ARSJ: variants seen among roughly 807,000 people sequenced by gnomAD.
ARSJ encodes the protein arylsulfatase J.
A neutral mutation model predicts 35.9 loss-of-function variants in ARSJ; 26 were observed. The observed-to-expected ratio is 0.72, with a 90% CI of 0.53 to 1.00. The LOEUF (loss-of-function observed/expected upper bound fraction) is 1.00, where lower values mean the gene tolerates loss of function less well. ARSJ is among the 50% of genes least tolerant of loss of function. The pLI, the probability that ARSJ is intolerant of heterozygous loss-of-function variation, is 0.00. For missense variants in ARSJ, 667 were observed against 723.6 expected, an observed-to-expected ratio of 0.92 and a Z score of 0.90; for synonymous variants, 294 against 267.6, an observed-to-expected ratio of 1.10 and a Z score of -0.96.
chr4:113,932,114 A>ACAAAAAATG (rs1283386473), intron 1 of ARSJ, among the ~76,000 whole-genome samples: 1 of 152,106 alleles, frequency 6.6e-6, no homozygotes, highest in African/African-American at 2.4e-5. Context: ...GTAAAAACTG[A>ACAAAAAATG]CAAAAAATGT....
intron 1 of ARSJ, among the ~76,000 whole-genome samples, chr4:113,977,425 A>G (rs1727653796): frequency 6.6e-6 from 1 of 152,246 alleles, no homozygotes; most frequent in Admixed American, 6.5e-5. Context: ...TTATTTTTCC[A>G]ATGGATACTG....
rs538570778 is a variant in ARSJ at position 113,959,783 on chromosome 4, T to G, written c.398+18654A>C. On this transcript the variant is annotated intron_variant, in intron 1 of 1. Coordinates refer to ENST00000315366, the MANE Select transcript of ARSJ (RefSeq NM_024590.4). ...GTTTATATGGTTGCATATTATCAAA[T>G]GGAATTTGGTTTCTGAAAAATGGAA... 6.6e-5 allele frequency among the ~76,000 whole-genome samples: 10 copies of G among 152,180 alleles called. No homozygotes were observed. In the East Asian group the frequency reaches 1.7e-3, roughly 27 times the overall value.
intron 1 of ARSJ, among the ~76,000 whole-genome samples, chr4:113,972,546 G>C (rs1643943844): frequency 6.6e-6 from 1 of 151,972 alleles, no homozygotes; most frequent in Non-Finnish European, 1.5e-5. Flanking sequence ...GTCTTGCTCT[G>C]TTACCCAGGC....
chr4:113,914,314 C>T (rs1429023341), intron 1 of ARSJ, among the ~76,000 whole-genome samples: 2 of 152,124 alleles, frequency 1.3e-5, no homozygotes, highest in African/African-American at 4.8e-5. Context: ...TCTCACTCTG[C>T]TTTACATGAA....
intron 1 of ARSJ, among the ~76,000 whole-genome samples, chr4:113,973,269 A>G (rs1727389080): frequency 6.6e-6 from 1 of 152,176 alleles, no homozygotes; most frequent in Admixed American, 6.5e-5. Context: ...GATCCCCTGC[A>G]TATACTTTCC....
chr4:113,941,405 T>A (rs1725151365), intron 1 of ARSJ, among the ~76,000 whole-genome samples: 1 of 151,960 alleles, frequency 6.6e-6, no homozygotes, highest in Non-Finnish European at 1.5e-5. Flanking sequence ...TGGAAGAAAA[T>A]CTACTAGGAA....
chr4:113,927,494 G>T (rs935044848), intron 1 of ARSJ, among the ~76,000 whole-genome samples: 1 of 152,286 alleles, frequency 6.6e-6, no homozygotes, highest in African/African-American at 2.4e-5. Context: ...ACACAAAGCC[G>T]GAGAGTTGAT....
chr4:113,966,621 A>G (rs551500001), intron 1 of ARSJ, among the ~76,000 whole-genome samples: 2 of 152,326 alleles, frequency 1.3e-5, no homozygotes, highest in South Asian at 2.1e-4. Context: ...TGAGGAGATG[A>G]GAAATTTGGA....
intron 1 of ARSJ, among the ~76,000 whole-genome samples, chr4:113,921,082 TACACACACACACAC>T (rs746326993): frequency 3.1e-5 from 4 of 129,548 alleles, no homozygotes; most frequent in Admixed American, 8.2e-5. Context: ...TTCCCTGAAA[TACACACACACACAC>T]ACACACACAC....
chr4:113,936,839 A>G (rs1724799209), intron 1 of ARSJ, among the ~76,000 whole-genome samples: 1 of 151,936 alleles, frequency 6.6e-6, no homozygotes, highest in Non-Finnish European at 1.5e-5. Context: ...ATCACCTCTG[A>G]GAATACAATA....
rs947624523 is a variant in ARSJ, at chr4:113,902,729, T to C, written c.1345A>G (p.Ile449Val). 2 of 1,614,104 alleles carry C rather than the reference T, an allele frequency of 1.2e-6. No homozygotes were observed. The highest frequency in any genetic ancestry group is 1.7e-6 in the Non-Finnish European group (2 of 1,180,042). Reference protein sequence around the residue: ...GIWNTAIQSAIRVQHWKLLTG... With the variant: ...GIWNTAIQSAVRVQHWKLLTG... ...AGCAATTTCCAGTGCTGCACTCTGA[T>C]GGCTGACTGGATTGCAGTGTTCCAG... Residue 449 changes from isoleucine to valine, a missense_variant, in exon 2 of 2, where the codon ATC becomes GTC. Physicochemically the swap from Ile to Val is conservative, Grantham distance 29. Transcript: ENST00000315366.
At chr4:113,969,152 A>G (rs925557882) in intron 1 of ARSJ, among the ~76,000 whole-genome samples, 1 of 152,174 alleles carries the variant, frequency 6.6e-6, no homozygotes, top group East Asian at 1.9e-4. Flanking sequence ...GTTTAAATAC[A>G]CATTTCCTCT....
Position 113,902,145 on chromosome 4 carries a change from T to G in ARSJ, c.*129A>C, listed in dbSNP as rs1439836823. 4 of 1,597,328 alleles carry G rather than the reference T, an allele frequency of 2.5e-6. No individual in the cohort carries two copies. The highest frequency in any genetic ancestry group is 2.5e-6 in the Non-Finnish European group (3 of 1,179,274). ...GGCCAGGTGGCAGAAGTCTCTGGAG[T>G]GGCACAGCATGAAAACAAGCCTGAC... On this transcript the variant is annotated 3_prime_UTR_variant, in exon 2 of 2. Transcript: ENST00000315366.
rs1363280325 is a variant in ARSJ at position 113,902,376 on chromosome 4, T to C, written c.1698A>G (p.Lys566=). The change falls in exon 2 of 2, where the codon AAA becomes AAG. Residue 566 remains lysine (K), a synonymous_variant. Coordinates refer to ENST00000315366, the MANE Select transcript of ARSJ (RefSeq NM_024590.4). ...TCTTTTGCTTTTTCTCAGCCTGATT[T>C]TTGCTTGGCTTCTTTTTCTTGGTTT... is the stretch of plus-strand genomic sequence containing the variant. The part of the protein sequence containing the change: ...KEETKKKKPS[K]NQAEKKQKKS... 1.9e-6 allele frequency: 3 copies of C among 1,613,740 alleles called. No homozygotes were observed. Among genetic ancestry groups the C allele is most frequent in the African/African-American group, 2.7e-5 (2 of 74,900 alleles).
rs749837103 is a variant in ARSJ at position 113,978,831 on chromosome 4, C to G, written c.4G>C (p.Ala2Pro). Residue 2 changes from alanine (A) to proline (P), a missense_variant, in exon 1 of 2, where the codon GCT (alanine) becomes CCT (proline). Coordinates refer to ENST00000315366, the MANE Select transcript of ARSJ (RefSeq NM_024590.4). The part of the protein sequence containing the change: M[A>P]PRGCAGHPPP... ...GGATGCCCCGCACAGCCCCTGGGAG[C>G]CATTCACTCAGGTCCCAGGTGAGAC... 17 of 1,597,084 alleles carry G rather than the reference C, an allele frequency of 1.1e-5. No individual in the cohort carries two copies. The highest frequency in any genetic ancestry group is 1.1e-4 in the Admixed American group (6 of 57,024).
At chr4:113,948,172 G>C (rs1396478272) in intron 1 of ARSJ, among the ~76,000 whole-genome samples, 1 of 152,072 alleles carries the variant, frequency 6.6e-6, no homozygotes, top group Non-Finnish European at 1.5e-5. Context: ...CTGGGTGACA[G>C]AGCGAGATTC....
Position 113,902,529 on chromosome 4 carries a change from G to A in ARSJ, c.1545C>T (p.Ile515=). 2 of 1,614,134 alleles carry A rather than the reference G, an allele frequency of 1.2e-6. No individual in the cohort carries two copies. The highest frequency in any genetic ancestry group is 1.7e-6 in the Non-Finnish European group (2 of 1,180,024). ...RVDLSNRYPG[I]VKKLLRRLSQ... The stretch of plus-strand genomic sequence containing the variant: ...AGAGCCTCCGTAGGAGCTTCTTCAC[G>A]ATTCCTGGATACCTGTTAGATAGGT... The change falls in exon 2 of 2, where the codon ATC becomes ATT. Residue 515 remains isoleucine (I), a synonymous_variant. Coordinates refer to ENST00000315366, the MANE Select transcript of ARSJ (RefSeq NM_024590.4).
chr4:113,927,412 T>A (rs1365179158), intron 1 of ARSJ, among the ~76,000 whole-genome samples: 2 of 152,306 alleles, frequency 1.3e-5, no homozygotes, highest in African/African-American at 4.8e-5. Context: ...GCATAATGTC[T>A]TCAATGTAAT....
chr4:113,902,815 T>C lies in ARSJ; in HGVS notation c.1259A>G (p.His420Arg), dbSNP rs200907046. 28 of 1,614,064 alleles carry C rather than the reference T, an allele frequency of 1.7e-5. No homozygotes were observed. Among genetic ancestry groups the C allele is most frequent in the Non-Finnish European group, 2.4e-5 (28 of 1,180,046 alleles). The change falls in exon 2 of 2, where the codon CAT becomes CGT. Residue 420 changes from histidine to arginine, a missense_variant. Transcript: ENST00000315366. ...CTTGGTGTATATGGGGTCAATGTTA[T>C]GCAAAATATCTACTCGGGGTGAGCG... Reference protein sequence around the residue: ...GLRSPRVDILHNIDPIYTKAK... With the variant: ...GLRSPRVDILRNIDPIYTKAK...
Sources: gnomAD v4.1 joint callset for allele counts (sites outside exome capture counted in the v4.1 genomes callset) on GRCh38, gnomAD v4.1.1 for gene constraint, MANE v1.5 for transcripts, NCBI Gene and HGNC (gene_info 2026-07-23, HGNC 2026-07-21) for gene names.